NRXN3: variants seen among roughly 807,000 people sequenced by gnomAD.
NRXN3 encodes neurexin III.
In NRXN3, 32 loss-of-function variants were observed where a neutral mutation model predicts 137.6. That is an observed-to-expected ratio of 0.23 (90% CI 0.18 to 0.31). The LOEUF (loss-of-function observed/expected upper bound fraction) is 0.31, where lower values mean the gene tolerates loss of function less well. NRXN3 is among the 10% of genes least tolerant of loss of function. NRXN3 has a pLI of 1.00. For synonymous variants in NRXN3, 798 were observed against 784.5 expected (o/e 1.02, Z -0.29); for missense variants, 1,574 against 2,062.5 (o/e 0.76, Z 4.59).
At chr14:78,625,649 A>G (rs1402677803) in intron 4 of NRXN3, among the ~76,000 whole-genome samples, 1 of 152,152 alleles carries the variant, frequency 6.6e-6, no homozygotes, top group Non-Finnish European at 1.5e-5. Context: ...GACTGGGAGG[A>G]CACAGGTTAT....
chr14:79,629,175 G>C (rs1365337798), intron 16 of NRXN3, among the ~76,000 whole-genome samples: 1 of 151,560 alleles, frequency 6.6e-6, no homozygotes, highest in Non-Finnish European at 1.5e-5. Flanking sequence ...TTGTATCAAA[G>C]ACATTATTTA....
intron 19 of NRXN3, among the ~76,000 whole-genome samples, chr14:79,777,484 A>G (rs954728595): frequency 3.3e-5 from 5 of 152,020 alleles, no homozygotes; most frequent in African/African-American, 1.2e-4. Context: ...TCTAAAAAAA[A>G]AAAAAGGTTC....
At chr14:78,939,359 A>T (rs1053325425) in intron 10 of NRXN3, among the ~76,000 whole-genome samples, 1 of 152,234 alleles carries the variant, frequency 6.6e-6, no homozygotes, top group African/African-American at 2.4e-5. Flanking sequence ...TGATTGGTTC[A>T]ATAAACACAG....
intron 8 of NRXN3, among the ~76,000 whole-genome samples, chr14:78,735,778 A>G (rs1056135112): frequency 6.6e-6 from 1 of 152,134 alleles, no homozygotes; most frequent in African/African-American, 2.4e-5. Flanking sequence ...CCTTGAGTTC[A>G]TTTACCTTCA....
At chr14:79,223,621 G>C (rs1270118115) in intron 15 of NRXN3, among the ~76,000 whole-genome samples, 2 of 152,060 alleles carry the variant, frequency 1.3e-5, no homozygotes, top group Non-Finnish European at 2.9e-5. Flanking sequence ...TGGTCTGATG[G>C]TGATCCTGAT....
At chr14:78,228,260 G>A (rs1361067279) in intron 1 of NRXN3, among the ~76,000 whole-genome samples, 1 of 150,900 alleles carries the variant, frequency 6.6e-6, no homozygotes, top group Non-Finnish European at 1.5e-5. Context: ...AGGTTCAAGC[G>A]ATTCTCCTGT....
At chr14:79,107,317 G>T (rs1029199542) in intron 15 of NRXN3, among the ~76,000 whole-genome samples, 1 of 152,166 alleles carries the variant, frequency 6.6e-6, no homozygotes, top group Non-Finnish European at 1.5e-5. Flanking sequence ...TGAAGGCTGA[G>T]AAGTGGCTGA....
chr14:79,201,190 C>T (rs1183436990), intron 15 of NRXN3: 1 of 152,094 alleles, frequency 6.6e-6, no homozygotes, highest in Non-Finnish European at 1.5e-5. Flanking sequence ...GGGAACAACT[C>T]TGTGCATCCT....
rs74747313 is a variant in NRXN3 at position 79,580,405 on chromosome 14, T to C, written c.3445-83373T>C. ...AAATTTTCTGTCTCTTTAAACTCAGTCATCTTTTCTCTATAGCACAAAAGA... is the reference window on the plus strand; with the variant it reads ...AAATTTTCTGTCTCTTTAAACTCAGCCATCTTTTCTCTATAGCACAAAAGA... On this transcript the variant is annotated intron_variant, in intron 16 of 20. Coordinates refer to ENST00000335750, the MANE Select transcript of NRXN3 (RefSeq NM_001330195.2). Among the ~76,000 whole-genome samples, 716 of 151,984 alleles carry C rather than the reference T, an allele frequency of 4.7e-3. 6 individuals are homozygous for C. Among genetic ancestry groups the C allele is most frequent in the African/African-American group, 0.017 (685 of 41,360 alleles).
intron 2 of NRXN3, among the ~76,000 whole-genome samples, chr14:78,276,760 C>T (rs554073220): frequency 7.9e-5 from 12 of 152,316 alleles, no homozygotes; most frequent in African/African-American, 2.6e-4. Context: ...GGAATTCTGT[C>T]TCCCTGTGAC....
intron 1 of NRXN3, among the ~76,000 whole-genome samples, chr14:78,200,607 G>T (rs2153393009): frequency 6.6e-6 from 1 of 152,312 alleles, no homozygotes; most frequent in Admixed American, 6.5e-5. Context: ...GTAAGTGATG[G>T]TATGGTGTCC....
chr14:78,242,870 C>T lies in NRXN3; in HGVS notation c.-224C>T. The T allele has an allele frequency of 2.1e-6, 1 of 470,038 alleles. No individual in the cohort carries two copies. The highest frequency in any genetic ancestry group is 3.8e-5 in the Admixed American group (1 of 26,342). The allele number at this position is 470,038 out of a possible 1,614,324, so 29.1% of individuals were successfully genotyped here. The stretch of plus-strand genomic sequence containing the variant: ...CTGCTGGTCCTGTCTTTTTCTACTG[C>T]CTCTTTATTCAATTTCTTGCTTGTG... On this transcript the variant is annotated 5_prime_UTR_variant, in exon 2 of 21. Transcript: ENST00000335750.
At chr14:79,742,213 C>G (rs1486233732) in intron 19 of NRXN3, among the ~76,000 whole-genome samples, 1 of 152,184 alleles carries the variant, frequency 6.6e-6, no homozygotes, top group African/African-American at 2.4e-5. Flanking sequence ...TACCTCTAAA[C>G]TCAAATTTTC....
intron 15 of NRXN3, among the ~76,000 whole-genome samples, chr14:79,322,755 C>T (rs951658970): frequency 1.3e-5 from 2 of 152,178 alleles, no homozygotes; most frequent in African/African-American, 2.4e-5. Flanking sequence ...CAGTTGACCA[C>T]AGATTCAATG....
Position 79,499,956 on chromosome 14 carries a change from C to CGTGTGTGTGTGTGTGTGT in NRXN3, c.3444+32573_3444+32590dup, listed in dbSNP as rs35371414. 5.5e-5 allele frequency among the ~76,000 whole-genome samples: 8 copies of CGTGTGTGTGTGTGTGTGT among 145,234 alleles called. No homozygotes were observed. In the South Asian group the frequency reaches 1.4e-3, roughly 25 times the overall value. ...GGTTTTCTGTCAGTTATCTTAGGGT[C>CGTGTGTGTGTGTGTGTGT]GTGTGTGTGTGTGTGTGTGTGTGTG... On this transcript the variant is annotated intron_variant, in intron 16 of 20. Coordinates refer to ENST00000335750, the MANE Select transcript of NRXN3 (RefSeq NM_001330195.2).
chr14:78,352,737 G>A (rs1160811141), intron 4 of NRXN3, among the ~76,000 whole-genome samples: 1 of 152,222 alleles, frequency 6.6e-6, no homozygotes, highest in East Asian at 1.9e-4. Context: ...ACATCTCAGT[G>A]GTTGCAAGCT....
intron 17 of NRXN3, among the ~76,000 whole-genome samples, chr14:79,691,639 C>T (rs954254920): frequency 2.0e-5 from 3 of 152,060 alleles, no homozygotes; most frequent in African/African-American, 7.2e-5. Context: ...GCCATCAAGG[C>T]TTAAATTGTC....
At chr14:79,127,840 CTT>C (rs2056789825) in intron 15 of NRXN3, among the ~76,000 whole-genome samples, 1 of 152,012 alleles carries the variant, frequency 6.6e-6, no homozygotes, top group African/African-American at 2.4e-5. Context: ...TTTGTATCCT[CTT>C]TTATTTCCTT....
chr14:78,709,763 C>G (rs1355467045), intron 7 of NRXN3, 108 bp downstream of exon 7: 3 of 962,954 alleles, frequency 3.1e-6, no homozygotes, highest in Non-Finnish European at 3.1e-6. Context: ...CTTGTTGATT[C>G]TTTTGCTACT....
Sources: gnomAD v4.1 joint callset for allele counts (sites outside exome capture counted in the v4.1 genomes callset) on GRCh38, gnomAD v4.1.1 for gene constraint, MANE v1.5 for transcripts, NCBI Gene and HGNC (gene_info 2026-07-23, HGNC 2026-07-21) for gene names.